The following CPQ variants were observed in gnomAD, a reference collection of about 807,000 sequenced individuals.
The protein encoded by CPQ is Ser-Met dipeptidase.
CPQ carries 37 observed loss-of-function variants against 45.7 expected under a neutral mutation model. The observed-to-expected ratio is 0.81, with a 90% CI of 0.62 to 1.07. The LOEUF (loss-of-function observed/expected upper bound fraction) is 1.07, where lower values mean the gene tolerates loss of function less well. Among genes scored for constraint, CPQ ranks in the 50% least tolerant of loss-of-function variants. CPQ has a pLI of 0.00. For missense variants in CPQ, 537 were observed against 572.9 expected (o/e 0.94, Z 0.64); for synonymous variants, 186 against 205.8 (o/e 0.90, Z 0.82).
intron 5 of CPQ, among the ~76,000 whole-genome samples, chr8:96,980,553 A>G (rs1813875363): frequency 6.6e-6 from 1 of 152,234 alleles, no homozygotes; most frequent in South Asian, 2.1e-4. Flanking sequence ...CTAAGCCATC[A>G]ATAATAGTAA....
chr8:96,887,074 T>C (rs759210499), intron 4 of CPQ, among the ~76,000 whole-genome samples: 4 of 152,126 alleles, frequency 2.6e-5, no homozygotes, highest in African/African-American at 4.8e-5. Flanking sequence ...ACTTCTGGGG[T>C]GTTAATGACT....
intron 2 of CPQ, among the ~76,000 whole-genome samples, chr8:96,790,932 A>G (rs1810838070): frequency 6.6e-6 from 1 of 152,178 alleles, no homozygotes; most frequent in Non-Finnish European, 1.5e-5. Context: ...CTAAGGCTGC[A>G]TGAATAGGTG....
intron 1 of CPQ, among the ~76,000 whole-genome samples, chr8:96,675,088 T>C (rs1259731573): frequency 6.6e-6 from 1 of 152,090 alleles, no homozygotes; most frequent in Non-Finnish European, 1.5e-5. Context: ...AAAGAAATTA[T>C]ATTTAAAAAG....
At chr8:96,819,573 G>T (rs947071933) in intron 2 of CPQ, among the ~76,000 whole-genome samples, 1 of 152,076 alleles carries the variant, frequency 6.6e-6, no homozygotes, top group Non-Finnish European at 1.5e-5. Flanking sequence ...CATTGTGGTG[G>T]AGAAGGATTT....
At chr8:96,795,980 A>G (rs1475851353) in intron 2 of CPQ, among the ~76,000 whole-genome samples, 1 of 152,082 alleles carries the variant, frequency 6.6e-6, no homozygotes, top group Non-Finnish European at 1.5e-5. Context: ...ATAGATATGT[A>G]AACATTATAT....
At chr8:97,130,613 C>T (rs1025746113) in intron 7 of CPQ, among the ~76,000 whole-genome samples, 4 of 152,070 alleles carry the variant, frequency 2.6e-5, no homozygotes, top group Non-Finnish European at 5.9e-5. Flanking sequence ...GGGAATTTAG[C>T]TACCTTTAAA....
At chr8:96,978,418 G>A (rs938864472) in intron 5 of CPQ, among the ~76,000 whole-genome samples, 1 of 152,202 alleles carries the variant, frequency 6.6e-6, no homozygotes, top group Non-Finnish European at 1.5e-5. Flanking sequence ...TTTGGTATGA[G>A]AGATTCCATA....
chr8:96,997,497 A>G (rs1253354883), intron 5 of CPQ, among the ~76,000 whole-genome samples: 1 of 152,010 alleles, frequency 6.6e-6, no homozygotes, highest in African/African-American at 2.4e-5. Flanking sequence ...AAATGTATTT[A>G]AAGCCTTTTA....
At chr8:96,860,612 A>C (rs1337278168) in intron 3 of CPQ, among the ~76,000 whole-genome samples, 1 of 152,090 alleles carries the variant, frequency 6.6e-6, no homozygotes, top group African/African-American at 2.4e-5. Context: ...GCTGGTGAAC[A>C]TGGGGTGTGC....
At chr8:96,802,706 A>T (rs1465710383) in intron 2 of CPQ, among the ~76,000 whole-genome samples, 1 of 152,182 alleles carries the variant, frequency 6.6e-6, no homozygotes, top group Non-Finnish European at 1.5e-5. Context: ...AATGCATTGG[A>T]TGTTCAAAGC....
chr8:96,820,625 G>A (rs541694958), intron 2 of CPQ, among the ~76,000 whole-genome samples: 1 of 152,004 alleles, frequency 6.6e-6, no homozygotes, highest in African/African-American at 2.4e-5. Context: ...CATCTATGTT[G>A]CTGCAAATGA....
intron 7 of CPQ, among the ~76,000 whole-genome samples, chr8:97,084,002 C>T (rs983565405): frequency 6.6e-6 from 1 of 152,068 alleles, no homozygotes; most frequent in Non-Finnish European, 1.5e-5. Context: ...TAACCCAAAC[C>T]CCACATTTTT....
intron 6 of CPQ, among the ~76,000 whole-genome samples, chr8:97,055,338 C>T (rs1810435680): frequency 6.6e-6 from 1 of 152,214 alleles, no homozygotes; most frequent in African/African-American, 2.4e-5. Context: ...CACCACCTTT[C>T]CTTCAATAAG....
chr8:96,810,301 G>A (rs1197581975), intron 2 of CPQ, among the ~76,000 whole-genome samples: 1 of 152,172 alleles, frequency 6.6e-6, no homozygotes, highest in African/African-American at 2.4e-5. Context: ...TTTATACCCT[G>A]GTGCCCAGCA....
chr8:96,870,868 G>A (rs548903617), intron 3 of CPQ, among the ~76,000 whole-genome samples: 83 of 151,904 alleles, frequency 5.5e-4, no homozygotes, highest in African/African-American at 1.9e-3. Context: ...TGGCGTTGAG[G>A]GATCACTACA....
At chr8:96,986,654 G>A (rs745779288) in intron 5 of CPQ, among the ~76,000 whole-genome samples, 9 of 152,264 alleles carry the variant, frequency 5.9e-5, no homozygotes, top group Non-Finnish European at 1.2e-4. Context: ...GGGGCCTGGG[G>A]AAACAGTGGG....
At chr8:96,701,597 C>T (rs1809462650) in intron 1 of CPQ, among the ~76,000 whole-genome samples, 1 of 152,180 alleles carries the variant, frequency 6.6e-6, no homozygotes, top group Admixed American at 6.5e-5. Context: ...GCTTCTTGTC[C>T]TGATCAGAAA....
intron 1 of CPQ, among the ~76,000 whole-genome samples, chr8:96,667,567 T>TCTCAAACTCCTGAC (rs1174078369): frequency 6.6e-6 from 1 of 152,074 alleles, no homozygotes; most frequent in Non-Finnish European, 1.5e-5. Context: ...GCCAGGCTGA[T>TCTCAAACTCCTGAC]CTCAAACTCC....
At chr8:96,793,545 G>C (rs1239520588) in intron 2 of CPQ, among the ~76,000 whole-genome samples, 1 of 152,136 alleles carries the variant, frequency 6.6e-6, no homozygotes, top group Non-Finnish European at 1.5e-5. Context: ...GAGTTGGGTT[G>C]GGACATAGTC....
Sources: gnomAD v4.1 joint callset for allele counts (sites outside exome capture counted in the v4.1 genomes callset) on GRCh38, gnomAD v4.1.1 for gene constraint, MANE v1.5 for transcripts, NCBI Gene and HGNC (gene_info 2026-07-23, HGNC 2026-07-21) for gene names.